Variants in IL17RA observed in about 807,000 individuals in gnomAD.
IL17RA encodes interleukin 17 receptor A, also known as interleukin-17 receptor A.
Under a neutral mutation model 50.4 loss-of-function variants are expected in IL17RA, and 34 were observed. The ratio of observed to expected loss-of-function variants is 0.67; its 90% CI spans 0.51 to 0.90. The LOEUF (loss-of-function observed/expected upper bound fraction) is 0.90, where lower values mean the gene tolerates loss of function less well. IL17RA is among the 40% of genes least tolerant of loss of function. The pLI is 0.00. For missense variants in IL17RA, 1,276 were observed against 1,169.8 expected, an observed-to-expected ratio of 1.09 and a Z score of -1.32; for synonymous variants, 585 against 510.4, an observed-to-expected ratio of 1.15 and a Z score of -1.97.
chr22:17,097,675 G>A, intron 2 of IL17RA, 122 bp from the exon 3 acceptor site: 1 of 1,201,676 alleles, frequency 8.3e-7, no homozygotes, highest in East Asian at 2.4e-5. Context: ...GCGGCCAAGG[G>A]CCACAGGCTG....
At chr22:17,096,077 T>G (rs959744613) in intron 1 of IL17RA, among the ~76,000 whole-genome samples, 1 of 152,152 alleles carries the variant, frequency 6.6e-6, no homozygotes, top group African/African-American at 2.4e-5. Flanking sequence ...AGCATCTGAC[T>G]TTCCACCCCG....
At position 17,085,042 on chromosome 22, in the gene IL17RA, T is replaced by TTCGC; in HGVS notation, c.-48_-45dup. 3 of 1,296,902 alleles carry TTCGC rather than the reference T, an allele frequency of 2.3e-6. No individual in the cohort carries two copies. The highest frequency in any genetic ancestry group is 4.5e-5 in the South Asian group (2 of 44,002). The allele number at this position is 1,296,902 out of a possible 1,614,324, so 80.3% of individuals were successfully genotyped here. A position where few individuals can be genotyped will look rare whatever the true frequency, so the allele number is the denominator to read the frequency against. ...GGAAAAGAAAGCCTCAGAACGTTCG[T>TTCGC]TCGCTGCGTCCCCAGCCGGGGCCGA... On this transcript the variant is annotated 5_prime_UTR_variant, in exon 1 of 13. Coordinates refer to ENST00000319363, the MANE Select transcript of IL17RA (RefSeq NM_014339.7).
chr22:17,100,010 C>A (rs1426595632), intron 4 of IL17RA, among the ~76,000 whole-genome samples: 1 of 152,146 alleles, frequency 6.6e-6, no homozygotes, highest in Non-Finnish European at 1.5e-5. Context: ...AGCCCCAAGT[C>A]CCCTGGCTCC....
Position 17,108,497 on chromosome 22 carries a change from G to A in IL17RA, c.1278G>A (p.Met426Ile). 1 of 1,612,986 alleles carries A rather than the reference G, an allele frequency of 6.2e-7. No individual in the cohort carries two copies. The highest frequency in any genetic ancestry group is 8.5e-7 in the Non-Finnish European group (1 of 1,180,024). Reference protein sequence around the residue: ...EEQAISEAGVMTWVGRQKQEM... With the variant: ...EEQAISEAGVITWVGRQKQEM... ...AGGCCATCTCGGAGGCAGGAGTCAT[G>A]ACCTGGGTGGGCCGTCAGAAGCAGG... is the stretch of plus-strand genomic sequence containing the variant. The change falls in exon 13 of 13, where the codon ATG becomes ATA. Residue 426 changes from methionine to isoleucine, a missense_variant. Physicochemically the swap from Met to Ile is conservative, Grantham distance 10. Transcript: ENST00000319363.
chr22:17,104,549 TC>T (rs966903982), intron 8 of IL17RA, among the ~76,000 whole-genome samples, 176 bp from the exon 9 acceptor site: 17 of 152,200 alleles, frequency 1.1e-4, no homozygotes, highest in African/African-American at 3.6e-4. Context: ...TGTCTGGTTC[TC>T]CCACCCTCAC....
At position 17,109,653 on chromosome 22, in the gene IL17RA, G is replaced by A. The variant is rs1488131655; in HGVS notation, c.2434G>A (p.Glu812Lys). The A allele has an allele frequency of 1.2e-6, 2 of 1,600,466 alleles. No homozygotes were observed. Among genetic ancestry groups the A allele is most frequent in the East Asian group, 2.2e-5 (1 of 44,502 alleles). Residue 812 changes from glutamate (E) to lysine (K), a missense_variant, in exon 13 of 13, where the codon GAG becomes AAG. Coordinates refer to ENST00000319363, the MANE Select transcript of IL17RA (RefSeq NM_014339.7). ...GCCCCCCGAGGGACTCACGGAAATG[G>A]AGGAAGAGGAGGAAGAGGAGCAGGA... The part of the protein sequence containing the change: ...PQPPEGLTEM[E>K]EEEEEEQDPG...
rs1249702776 is a variant in IL17RA, at chr22:17,102,306, ACT to A, written c.762+7_762+8del. On this transcript the variant is annotated splice_donor_5th_base_variant and intron_variant, in intron 7 of 12. Transcript: ENST00000319363. The stretch of plus-strand genomic sequence containing the variant: ...GCACATGCACCACATACCTGCGGTA[ACT>A]CTGCTCTTTTTGACCCCTCTAGCAT... 1.9e-6 allele frequency: 3 copies of A among 1,613,880 alleles called. No homozygotes were observed. The highest frequency in any genetic ancestry group is 2.2e-5 in the East Asian group (1 of 44,880).
chr22:17,086,221 C>T (rs1342575716), intron 1 of IL17RA, among the ~76,000 whole-genome samples: 5 of 152,108 alleles, frequency 3.3e-5, no homozygotes, highest in South Asian at 4.2e-4. Flanking sequence ...ATCTTTCCTC[C>T]CCTCCACCTC....
Position 17,111,183 on chromosome 22 carries a change from A to ATCTC in IL17RA, c.*1363_*1364insTCTC, listed in dbSNP as rs2061441259. ...GTCTGATGAGCCTCTGCATGGAGAG[A>ATCTC]GGCTGAGGGCTAAACACAGCTGGAT... On this transcript the variant is annotated 3_prime_UTR_variant, in exon 13 of 13. Transcript: ENST00000319363. 2 of 152,238 alleles carry ATCTC rather than the reference A, an allele frequency of 1.3e-5. No homozygotes were observed. The highest frequency in any genetic ancestry group is 4.8e-5 in the African/African-American group (2 of 41,434). 9.4% of individuals were successfully genotyped at this position (152,238 alleles called of 1,614,324 possible). A position where few individuals can be genotyped will look rare whatever the true frequency, so the allele number is the denominator to read the frequency against.
intron 1 of IL17RA, 58 bp downstream of exon 1, chr22:17,085,287 C>T: frequency 1.3e-6 from 2 of 1,528,778 alleles, no homozygotes; most frequent in Non-Finnish European, 1.7e-6. Flanking sequence ...GGGGCAAGGT[C>T]GCGGAGGGCC....
chr22:17,093,905 G>A, intron 1 of IL17RA: 1 of 152,218 alleles, frequency 6.6e-6, no homozygotes, highest in East Asian at 1.9e-4. Context: ...GGATGCTGAT[G>A]GCATATTCTG....
At chr22:17,104,413 G>C (rs898475911) in intron 8 of IL17RA, among the ~76,000 whole-genome samples, 1 of 151,944 alleles carries the variant, frequency 6.6e-6, no homozygotes, top group Admixed American at 6.6e-5. Context: ...GTGGACGGGA[G>C]TGGGGAGCGT....
Position 17,098,847 on chromosome 22 carries a change from G to C in IL17RA, c.383G>C (p.Arg128Thr), listed in dbSNP as rs1170765945. 6.2e-6 allele frequency: 10 copies of C among 1,614,222 alleles called. No homozygotes were observed. Among genetic ancestry groups the C allele is most frequent in the Non-Finnish European group, 8.5e-6 (10 of 1,180,034 alleles). The change falls in exon 4 of 13, where the codon AGG becomes ACG. Residue 128 changes from arginine (R) to threonine (T), a missense_variant. Transcript: ENST00000319363. ...QLNTNERLCV[R>T]FEFLSKLRHH... ...AACACCAATGAACGTTTGTGCGTCAGGTTTGAGTTTCTGTCCAAACTGAGG... is the reference window on the plus strand; with the variant it reads ...AACACCAATGAACGTTTGTGCGTCACGTTTGAGTTTCTGTCCAAACTGAGG...
chr22:17,100,333 T>TC (rs764907026), intron 4 of IL17RA, 22 bp from the exon 5 acceptor site: 9 of 1,613,982 alleles, frequency 5.6e-6, no homozygotes, highest in African/African-American at 1.3e-5. Flanking sequence ...CCATCCACCT[T>TC]CCCTTCCTCC....
intron 1 of IL17RA, among the ~76,000 whole-genome samples, chr22:17,086,226 C>T (rs774304679): frequency 3.3e-5 from 5 of 151,488 alleles, no homozygotes; most frequent in African/African-American, 1.2e-4. Context: ...TCCTCCCCTC[C>T]ACCTCCACCT....
chr22:17,095,243 G>A (rs1429389939), intron 1 of IL17RA, among the ~76,000 whole-genome samples: 3 of 152,186 alleles, frequency 2.0e-5, no homozygotes, highest in Admixed American at 1.3e-4. Flanking sequence ...ATGAGGTTCA[G>A]AGCTGTTTTG....
At chr22:17,101,084 T>TG (rs2061389612) in intron 5 of IL17RA, among the ~76,000 whole-genome samples, 2 of 152,212 alleles carry the variant, frequency 1.3e-5, no homozygotes, top group Admixed American at 6.5e-5. Context: ...GATAGGGTCT[T>TG]GCTTTGTCAC....
rs141637287 is a variant in IL17RA at position 17,091,536 on chromosome 22, A to G, written c.139-5526A>G. 2.3e-3 allele frequency among the ~76,000 whole-genome samples: 355 copies of G among 152,110 alleles called. 1 individual carries two copies. Among genetic ancestry groups the G allele is most frequent in the Non-Finnish European group, 4.5e-3 (304 of 67,980 alleles). Reference sequence around the variant, plus strand: ...CTAAAAATACAAAAAAAAATTAGCCAGGCGTGGTGGTGGCGCCTGTAGTCC... The same window carrying G: ...CTAAAAATACAAAAAAAAATTAGCCGGGCGTGGTGGTGGCGCCTGTAGTCC... On this transcript the variant is annotated intron_variant, in intron 1 of 12. Coordinates refer to ENST00000319363, the MANE Select transcript of IL17RA (RefSeq NM_014339.7).
intron 1 of IL17RA, among the ~76,000 whole-genome samples, chr22:17,086,827 G>T (rs1350913490): frequency 6.6e-6 from 1 of 152,206 alleles, no homozygotes; most frequent in East Asian, 1.9e-4. Flanking sequence ...TCCTTAAGTG[G>T]GACAGGGTAC....
Sources: gnomAD v4.1 joint callset for allele counts (sites outside exome capture counted in the v4.1 genomes callset) on GRCh38, gnomAD v4.1.1 for gene constraint, MANE v1.5 for transcripts, NCBI Gene and HGNC (gene_info 2026-07-23, HGNC 2026-07-21) for gene names.